Variants in KDM5B observed in about 807,000 individuals in gnomAD.
The protein encoded by KDM5B is lysine demethylase 5B.
KDM5B carries 144 observed loss-of-function variants against 193.4 expected under a neutral mutation model. That is an observed-to-expected ratio of 0.74 (90% confidence interval 0.65 to 0.86). The LOEUF (loss-of-function observed/expected upper bound fraction) is 0.86. Ranked by LOEUF, KDM5B falls within the 40% of genes least tolerant of loss-of-function variation. The pLI, the probability that KDM5B is intolerant of heterozygous loss-of-function variation, is 0.00. For missense variants in KDM5B, 1,833 were observed against 1,886.9 expected (o/e 0.97, Z 0.53); for synonymous variants, 668 against 682.6 (o/e 0.98, Z 0.33).
chr1:202,767,465 A>G, intron 4 of KDM5B: 3 of 1,112,142 alleles, frequency 2.7e-6, no homozygotes, highest in Non-Finnish European at 4.1e-6. Flanking sequence ...CCGAGGAAGG[A>G]TGAAATGGCG....
chr1:202,781,857 AC>A (rs1657209615), intron 1 of KDM5B, among the ~76,000 whole-genome samples: 1 of 152,244 alleles, frequency 6.6e-6, no homozygotes, highest in Non-Finnish European at 1.5e-5. Flanking sequence ...AACAACTAAG[AC>A]TTACAGGTGA....
Position 202,764,091 on chromosome 1 carries a change from G to T in KDM5B, c.766C>A (p.Leu256Met). ...GTTGGACAACCCATTCGACGTCTCAGATTATGAGTTCTGGCTTCCGTTGTC... is the reference window on the plus strand; with the variant it reads ...GTTGGACAACCCATTCGACGTCTCATATTATGAGTTCTGGCTTCCGTTGTC... Reference protein sequence around the residue: ...EETTEARTHNLRRRMGCPTPK... With the variant: ...EETTEARTHNMRRRMGCPTPK... The change falls in exon 6 of 27, where the codon CTG (leucine) becomes ATG (methionine). Residue 256 changes from leucine (L) to methionine (M), a missense_variant. By Grantham distance (15) the Leu-to-Met change is conservative. Coordinates refer to ENST00000367265, the MANE Select transcript of KDM5B (RefSeq NM_006618.5). The T allele has an allele frequency of 6.3e-7, 1 of 1,587,168 alleles. No homozygotes were observed. Among genetic ancestry groups the T allele is most frequent in the Non-Finnish European group, 8.6e-7 (1 of 1,169,158 alleles).
intron 3 of KDM5B, 80 bp from the exon 4 acceptor site, chr1:202,773,368 G>T: frequency 8.2e-7 from 1 of 1,213,390 alleles, no homozygotes; most frequent in Non-Finnish European, 1.2e-6. Flanking sequence ...AGGGGAAAAT[G>T]TTCTTGGCTA....
chr1:202,798,183 T>C (rs994596866), intron 1 of KDM5B, among the ~76,000 whole-genome samples: 2 of 151,824 alleles, frequency 1.3e-5, no homozygotes, highest in African/African-American at 2.4e-5. Context: ...CCTGGCAACA[T>C]AGTGAGACCC....
Position 202,752,979 on chromosome 1 carries a change from C to T in KDM5B, c.1627G>A (p.Val543Met), listed in dbSNP as rs1655853197. 3 of 1,613,962 alleles carry T rather than the reference C, an allele frequency of 1.9e-6. No individual in the cohort carries two copies. Among genetic ancestry groups the T allele is most frequent in the Non-Finnish European group, 2.5e-6 (3 of 1,180,008 alleles). ...TGATGGAGGAGATCCGGCTGGGACA[C>T]AAAGAGTTCTGGAGCTAGTTTCTTC... is the stretch of plus-strand genomic sequence containing the variant. ...VMKKLAPELF[V>M]SQPDLLHQLV... Residue 543 changes from valine to methionine, a missense_variant, in exon 12 of 27, where the codon GTG becomes ATG. Physicochemically the swap from Val to Met is conservative, Grantham distance 21. Around this residue, in one of 3 missense-constraint regions of KDM5B, gnomAD observed 1,379 missense variants for 1,349.6 expected, o/e 1.02. Coordinates refer to ENST00000367265, the MANE Select transcript of KDM5B (RefSeq NM_006618.5).
At position 202,735,419 on chromosome 1, in the gene KDM5B, C is replaced by T. The variant is rs1255677219; in HGVS notation, c.3423+10G>A. On this transcript the variant is annotated intron_variant, in intron 22 of 26. Transcript: ENST00000367265. ...TAACATAGAAAGGAGAAGAAAAAAA[C>T]CCTACATACAGCTGAAGCAGTCTCC... 6.2e-7 allele frequency: 1 copy of T among 1,607,798 alleles called. No homozygotes were observed. The highest frequency in any genetic ancestry group is 1.7e-5 in the Admixed American group (1 of 58,784).
chr1:202,792,895 G>A (rs1168503074), intron 1 of KDM5B, among the ~76,000 whole-genome samples: 1 of 152,034 alleles, frequency 6.6e-6, no homozygotes, highest in Admixed American at 6.6e-5. Context: ...TGCTCCGGAG[G>A]CTGAGGCAGG....
At chr1:202,763,055 T>G (rs1024051366) in intron 6 of KDM5B, among the ~76,000 whole-genome samples, 21 of 152,380 alleles carry the variant, frequency 1.4e-4, no homozygotes, top group Middle Eastern at 6.8e-3. Flanking sequence ...CAGGTTTGTA[T>G]GCTTTCAAAA....
rs1654631995 is a variant in KDM5B at position 202,725,182 on chromosome 1, G to A, written c.*3854C>T. 1 of 152,178 alleles carries A rather than the reference G, an allele frequency of 6.6e-6. No homozygotes were observed. Among genetic ancestry groups the A allele is most frequent in the African/African-American group, 2.4e-5 (1 of 41,448 alleles). The allele number at this position is 152,178 out of a possible 1,614,324, so 9.4% of individuals were successfully genotyped here. On this transcript the variant is annotated 3_prime_UTR_variant, in exon 27 of 27. Coordinates refer to ENST00000367265, the MANE Select transcript of KDM5B (RefSeq NM_006618.5). ...GAGCTGGATTATCTGTTCTGTTGTTGACTGGTTTTAAATGTTCCATTTATA... is the reference window on the plus strand; with the variant it reads ...GAGCTGGATTATCTGTTCTGTTGTTAACTGGTTTTAAATGTTCCATTTATA...
chr1:202,804,802 G>A (rs894030052), intron 1 of KDM5B, among the ~76,000 whole-genome samples: 1 of 150,758 alleles, frequency 6.6e-6, no homozygotes, highest in Non-Finnish European at 1.5e-5. Flanking sequence ...CTGAGGTCGG[G>A]AGGCAGAGGT....
intron 2 of KDM5B, among the ~76,000 whole-genome samples, chr1:202,775,887 T>A (rs1331378047): frequency 0.011 from 1,280 of 111,798 alleles, 17 homozygotes; most frequent in African/African-American, 0.032. Flanking sequence ...AAAATATATA[T>A]ATATATATAT....
intron 1 of KDM5B, among the ~76,000 whole-genome samples, chr1:202,785,257 T>C (rs1404704726): frequency 6.6e-6 from 1 of 152,194 alleles, no homozygotes. Flanking sequence ...CTAGCTGGCA[T>C]GTAACTGTCA....
chr1:202,767,207 A>G, intron 4 of KDM5B, 147 bp from the exon 5 acceptor site: 1 of 1,560,588 alleles, frequency 6.4e-7, no homozygotes, highest in South Asian at 1.1e-5. Context: ...CATATCTGTT[A>G]AATGGAGGAA....
chr1:202,757,220 C>T (rs1164473559), intron 9 of KDM5B, among the ~76,000 whole-genome samples: 2 of 152,126 alleles, frequency 1.3e-5, no homozygotes, highest in Non-Finnish European at 2.9e-5. Context: ...ACGCAGAGCT[C>T]GGGTGTAATG....
intron 1 of KDM5B, among the ~76,000 whole-genome samples, chr1:202,781,664 A>G (rs542602941): frequency 9.8e-4 from 150 of 152,334 alleles, no homozygotes; most frequent in Middle Eastern, 3.4e-3. Context: ...GTAGGCTAAC[A>G]GGAAGCCTTT....
rs1419662430 is a variant in KDM5B at position 202,750,693 on chromosome 1, A to G, written c.1787T>C (p.Phe596Ser). 6.2e-7 allele frequency: 1 copy of G among 1,614,072 alleles called. No individual in the cohort carries two copies. The highest frequency in any genetic ancestry group is 8.5e-7 in the Non-Finnish European group (1 of 1,179,920). The change falls in exon 13 of 27, where the codon TTT becomes TCT. Residue 596 changes from phenylalanine (F) to serine (S), a missense_variant. Physicochemically the swap from Phe to Ser is radical, Grantham distance 155. Coordinates refer to ENST00000367265, the MANE Select transcript of KDM5B (RefSeq NM_006618.5). ...AGTGCAGAAGTTAACAGCCTCAGCA[A>G]AATTAAAACCCTGGTTAAAACCACT... ...YHSGFNQGFN[F>S]AEAVNFCTVD...
At chr1:202,807,086 G>A (rs1209055812) in intron 1 of KDM5B, 1 of 152,354 alleles carries the variant, frequency 6.6e-6, no homozygotes, top group Non-Finnish European at 1.5e-5. Flanking sequence ...CCCCAGGCCC[G>A]AGGCGCTGTA....
At chr1:202,788,920 C>T (rs1657522707) in intron 1 of KDM5B, among the ~76,000 whole-genome samples, 2 of 152,056 alleles carry the variant, frequency 1.3e-5, no homozygotes, top group Admixed American at 1.3e-4. Context: ...TAAAAAGATT[C>T]CAAAAATGAT....
chr1:202,732,057 A>C lies in KDM5B; in HGVS notation c.3910-118T>G, dbSNP rs997774652. 2.7e-4 allele frequency: 170 copies of C among 636,684 alleles called. 2 individuals are homozygous for C. In the Admixed American group the frequency reaches 3.0e-3, roughly 11 times the overall value. The allele number at this position is 636,684 out of a possible 1,614,324, so 39.4% of individuals were successfully genotyped here. A position where few individuals can be genotyped will look rare whatever the true frequency, so the allele number is the denominator to read the frequency against. On this transcript the variant is annotated intron_variant, in intron 23 of 26. Coordinates refer to ENST00000367265, the MANE Select transcript of KDM5B (RefSeq NM_006618.5). ...GCAACCAGGGGAAAAAAAAAAAAAA[A>C]CAACTTGATTTTCCCCTACTGAAGA...
Sources: gnomAD v4.1 joint callset for allele counts (sites outside exome capture counted in the v4.1 genomes callset) on GRCh38, gnomAD v4.1.1 for gene constraint, gnomAD v4.1.1 regional missense constraint, MANE v1.5 for transcripts, NCBI Gene and HGNC (gene_info 2026-07-23, HGNC 2026-07-21) for gene names.